Variants in NRXN1 observed in about 807,000 individuals in gnomAD.
NRXN1 encodes neurexin-1.
In NRXN1, 39 loss-of-function variants were observed where a neutral mutation model predicts 150.9. The ratio of observed to expected loss-of-function variants is 0.26; its 90% CI spans 0.20 to 0.34. The LOEUF is 0.34. Among genes scored for constraint, NRXN1 ranks in the 10% least tolerant of loss-of-function variants. The pLI is 1.00. For synonymous variants in NRXN1, 924 were observed against 757.0 expected (o/e 1.22, Z -3.62); for missense variants, 1,815 against 1,949.9 (o/e 0.93, Z 1.30).
At chr2:50,967,772 C>T (rs1694333729) in intron 2 of NRXN1, among the ~76,000 whole-genome samples, 1 of 151,932 alleles carries the variant, frequency 6.6e-6, no homozygotes, top group South Asian at 2.1e-4. Context: ...TTTACCTCCT[C>T]TGGGCCAGAG....
intron 18 of NRXN1, among the ~76,000 whole-genome samples, chr2:50,101,644 A>G (rs1700990530): frequency 6.6e-6 from 1 of 152,034 alleles, no homozygotes; most frequent in Non-Finnish European, 1.5e-5. Context: ...GAAAATCCTT[A>G]AAAGACGTGA....
chr2:50,900,063 G>T (rs565485211), intron 5 of NRXN1, among the ~76,000 whole-genome samples: 2 of 152,104 alleles, frequency 1.3e-5, no homozygotes, highest in Admixed American at 6.6e-5. Context: ...AATAATCAGA[G>T]AATTAATCAA....
At chr2:50,564,675 T>C (rs1669597451) in intron 8 of NRXN1, among the ~76,000 whole-genome samples, 1 of 152,166 alleles carries the variant, frequency 6.6e-6, no homozygotes, top group Non-Finnish European at 1.5e-5. Flanking sequence ...CTAGGTTTGC[T>C]AAAATATTGA....
At chr2:50,201,693 C>T (rs888958591) in intron 18 of NRXN1, among the ~76,000 whole-genome samples, 4 of 152,168 alleles carry the variant, frequency 2.6e-5, no homozygotes, top group African/African-American at 7.2e-5. Flanking sequence ...ACCATACACA[C>T]GCATTATCCT....
rs1479974985 is a variant in NRXN1, at chr2:49,919,978, T to C, written c.*1966A>G. The stretch of plus-strand genomic sequence containing the variant: ...TAATTGGAAAGATATTCTTCTCTTC[T>C]ACAAAATTTTTTATCGTTCTTTTAG... On this transcript the variant is annotated 3_prime_UTR_variant, in exon 23 of 23. Coordinates refer to ENST00000401669, the MANE Select transcript of NRXN1 (RefSeq NM_001330078.2). 1 of 152,182 alleles carries C rather than the reference T, an allele frequency of 6.6e-6. No homozygotes were observed. Among genetic ancestry groups the C allele is most frequent in the Non-Finnish European group, 1.5e-5 (1 of 68,000 alleles). 9.4% of individuals were successfully genotyped at this position (152,182 alleles called of 1,614,324 possible).
intron 17 of NRXN1, among the ~76,000 whole-genome samples, chr2:50,247,778 T>C (rs2066646936): frequency 6.6e-6 from 1 of 152,052 alleles, no homozygotes; most frequent in African/African-American, 2.4e-5. Flanking sequence ...AAGAGGGCAT[T>C]AGTGGGACAA....
At chr2:50,158,805 T>C (rs138768585) in intron 18 of NRXN1, among the ~76,000 whole-genome samples, 178 of 152,222 alleles carry the variant, frequency 1.2e-3, no homozygotes, top group African/African-American at 4.1e-3. Context: ...CCACCACATA[T>C]TGGCTACCCT....
chr2:50,065,343 G>T (rs1269719083), intron 19 of NRXN1, among the ~76,000 whole-genome samples: 5 of 152,066 alleles, frequency 3.3e-5, no homozygotes, highest in African/African-American at 1.2e-4. Flanking sequence ...AAGCTGACTC[G>T]AAAGTTGTTC....
intron 5 of NRXN1, among the ~76,000 whole-genome samples, chr2:50,690,847 A>G (rs757201152): frequency 2.0e-5 from 3 of 151,656 alleles, no homozygotes; most frequent in Non-Finnish European, 2.9e-5. Flanking sequence ...TAAATAAACC[A>G]CTCCCCTCCC....
chr2:50,158,288 C>G (rs1314515078), intron 18 of NRXN1, among the ~76,000 whole-genome samples: 2 of 151,344 alleles, frequency 1.3e-5, no homozygotes, highest in Non-Finnish European at 2.9e-5. Context: ...GTACAAAATG[C>G]CCATCAAAAT....
chr2:50,759,471 T>A (rs150185618), intron 5 of NRXN1, among the ~76,000 whole-genome samples: 7 of 152,060 alleles, frequency 4.6e-5, no homozygotes, highest in Non-Finnish European at 7.4e-5. Flanking sequence ...TGGTGTACGA[T>A]CTGACGCAAG....
intron 8 of NRXN1, among the ~76,000 whole-genome samples, chr2:50,565,077 A>G (rs1669648011): frequency 6.6e-6 from 1 of 152,288 alleles, no homozygotes; most frequent in South Asian, 2.1e-4. Flanking sequence ...CAAAGCCCAA[A>G]TTCTCACACA....
At chr2:50,618,518 C>A (rs1679410873) in intron 8 of NRXN1, among the ~76,000 whole-genome samples, 1 of 151,980 alleles carries the variant, frequency 6.6e-6, no homozygotes, top group Non-Finnish European at 1.5e-5. Context: ...ACAAACATTT[C>A]TCTTGCAAAA....
At chr2:50,043,578 A>T (rs796149733) in intron 21 of NRXN1, among the ~76,000 whole-genome samples, 39 of 152,318 alleles carry the variant, frequency 2.6e-4, no homozygotes, top group African/African-American at 9.4e-4. Flanking sequence ...CCATGAACAC[A>T]AGTACCTACA....
chr2:50,440,639 A>G (rs1464773445), intron 17 of NRXN1, among the ~76,000 whole-genome samples: 1 of 152,126 alleles, frequency 6.6e-6, no homozygotes, highest in Non-Finnish European at 1.5e-5. Flanking sequence ...TGTTTGAACA[A>G]AGAACTCCTC....
chr2:50,803,584 C>T (rs1043675963), intron 5 of NRXN1, among the ~76,000 whole-genome samples: 2 of 152,136 alleles, frequency 1.3e-5, no homozygotes, highest in African/African-American at 2.4e-5. Context: ...TGAGAATTCT[C>T]CTGAGTTCTC....
At chr2:50,079,144 T>C (rs374633795) in intron 19 of NRXN1, among the ~76,000 whole-genome samples, 1 of 152,126 alleles carries the variant, frequency 6.6e-6, no homozygotes, top group South Asian at 2.1e-4. Flanking sequence ...CATAGATGTT[T>C]ATTTTACTCT....
At chr2:50,986,853 C>T (rs1028140117) in intron 2 of NRXN1, among the ~76,000 whole-genome samples, 2 of 151,444 alleles carry the variant, frequency 1.3e-5, no homozygotes, top group African/African-American at 2.4e-5. Context: ...TTAAAATAAA[C>T]ACAATTGACA....
chr2:50,563,447 T>C (rs1281693174), intron 8 of NRXN1, among the ~76,000 whole-genome samples: 1 of 152,154 alleles, frequency 6.6e-6, no homozygotes, highest in Non-Finnish European at 1.5e-5. Flanking sequence ...TCTATTCCAA[T>C]AAACACAGGC....
Sources: gnomAD v4.1 joint callset for allele counts (sites outside exome capture counted in the v4.1 genomes callset) on GRCh38, gnomAD v4.1.1 for gene constraint, MANE v1.5 for transcripts, NCBI Gene and HGNC (gene_info 2026-07-23, HGNC 2026-07-21) for gene names.